Variants in DIS3L2 observed in about 807,000 individuals in gnomAD.
The protein encoded by DIS3L2 is DIS3 like 3'-5' exoribonuclease 2, also known as DIS3-like exonuclease 2.
DIS3L2 carries 34 observed loss-of-function variants against 97.5 expected under a neutral mutation model. The ratio of observed to expected loss-of-function variants is 0.35; its 90% CI spans 0.27 to 0.46. The LOEUF (loss-of-function observed/expected upper bound fraction) is 0.46, where lower values mean the gene tolerates loss of function less well. Ranked by LOEUF, DIS3L2 falls within the 20% of genes least tolerant of loss-of-function variation. The pLI is 1.00. For synonymous variants in DIS3L2, 435 were observed against 445.2 expected (o/e 0.98, Z 0.29); for missense variants, 1,038 against 1,146.0 (o/e 0.91, Z 1.36).
intron 14 of DIS3L2, among the ~76,000 whole-genome samples, chr2:232,317,227 G>A (rs1399825118): frequency 6.6e-6 from 1 of 152,166 alleles, no homozygotes; most frequent in Non-Finnish European, 1.5e-5. Flanking sequence ...AATAAGATTT[G>A]GACAGGGGTT....
At chr2:232,044,471 G>A (rs997671292) in intron 5 of DIS3L2, among the ~76,000 whole-genome samples, 7 of 152,116 alleles carry the variant, frequency 4.6e-5, no homozygotes, top group Admixed American at 2.0e-4. Flanking sequence ...GGGGATGGTG[G>A]CACCCTTTGC....
intron 13 of DIS3L2, among the ~76,000 whole-genome samples, chr2:232,289,359 G>A (rs1284755303): frequency 4.0e-5 from 6 of 151,026 alleles, no homozygotes; most frequent in Admixed American, 6.6e-5. Context: ...TGCAACCTCC[G>A]CCTCCTGGGT....
At chr2:232,119,201 C>A (rs2106339711) in intron 6 of DIS3L2, among the ~76,000 whole-genome samples, 1 of 152,272 alleles carries the variant, frequency 6.6e-6, no homozygotes, top group South Asian at 2.1e-4. Flanking sequence ...CTTGCAGACC[C>A]AATTTGACTC....
At chr2:232,310,023 A>G (rs112169091) in intron 14 of DIS3L2, among the ~76,000 whole-genome samples, 107 of 152,324 alleles carry the variant, frequency 7.0e-4, no homozygotes, top group African/African-American at 2.5e-3. Context: ...TCAAACCAGC[A>G]CCAACACTTC....
chr2:232,336,628 T>A lies in DIS3L2; in HGVS notation c.2656T>A (p.Ter886ArgextTer23). 6.3e-7 allele frequency: 1 copy of A among 1,595,088 alleles called. No homozygotes were observed. The highest frequency in any genetic ancestry group is 2.3e-5 in the East Asian group (1 of 44,158). ...DGEPEDSSTS[*>R] ...TGAGCCCGAGGACTCAAGCACCAGC[T>A]GAGCTCCACCAGCCGCCTGCCCCGC... Residue 886 changes from the stop codon to arginine (R), a stop_lost, in exon 21 of 21, where the codon TGA becomes AGA. Transcript: ENST00000325385.
chr2:232,035,989 A>G (rs1694940199), intron 5 of DIS3L2, among the ~76,000 whole-genome samples: 1 of 152,050 alleles, frequency 6.6e-6, no homozygotes, highest in African/African-American at 2.4e-5. Flanking sequence ...CATTTCTGAC[A>G]ATATGTGTCT....
intron 10 of DIS3L2, among the ~76,000 whole-genome samples, chr2:232,230,920 C>A (rs949037536): frequency 8.5e-5 from 13 of 152,130 alleles, no homozygotes; most frequent in Non-Finnish European, 1.8e-4. Context: ...GCCCACCCCC[C>A]ATCCTTCGCT....
chr2:232,134,763 C>T (rs760672369), intron 7 of DIS3L2, among the ~76,000 whole-genome samples: 1 of 151,746 alleles, frequency 6.6e-6, no homozygotes, highest in East Asian at 1.9e-4. Flanking sequence ...ACCTGGGAGG[C>T]GGAGGTTGCA....
intron 3 of DIS3L2, chr2:232,015,877 C>T: frequency 2.3e-6 from 1 of 439,948 alleles, no homozygotes; most frequent in Non-Finnish European, 3.9e-6. Context: ...CACCACAAGA[C>T]AGGAACAGGA....
chr2:232,171,851 G>A lies in DIS3L2; in HGVS notation c.1124+8219G>A, dbSNP rs1164148753. 3.3e-5 allele frequency among the ~76,000 whole-genome samples: 5 copies of A among 152,270 alleles called. 1 individual carries two copies. In the South Asian group the frequency reaches 1.0e-3, roughly 32 times the overall value. ...CCCATAAAATTCATGTTGATAAATA[G>A]CACCACTCTCAGAAAAGACAAATAC... On this transcript the variant is annotated intron_variant, in intron 9 of 20. Transcript: ENST00000325385.
chr2:232,037,060 C>T lies in DIS3L2; in HGVS notation c.366+6980C>T, dbSNP rs1173084808. Among the ~76,000 whole-genome samples, 2 of 152,244 alleles carry T rather than the reference C, an allele frequency of 1.3e-5. No homozygotes were observed. The highest frequency in any genetic ancestry group is 2.9e-5 in the Non-Finnish European group (2 of 68,038). On this transcript the variant is annotated intron_variant, in intron 5 of 20. Coordinates refer to ENST00000325385, the MANE Select transcript of DIS3L2 (RefSeq NM_152383.5). This position sits in a 1 kb window ranked among gnomAD's most constrained non-coding sequence, Gnocchi z 4.6. ...AATCTGTCCCTTAGCAGAGCTAGAG[C>T]GCTGTGCTGGGAGATCTGCTGCTCT...
At chr2:232,006,857 C>T (rs1694066271) in intron 1 of DIS3L2, among the ~76,000 whole-genome samples, 1 of 151,742 alleles carries the variant, frequency 6.6e-6, no homozygotes, top group South Asian at 2.1e-4. Flanking sequence ...TGGCATCCTG[C>T]ACAAAAAACA....
At chr2:232,302,728 ATTT>A (rs1694890062) in intron 14 of DIS3L2, among the ~76,000 whole-genome samples, 1 of 151,558 alleles carries the variant, frequency 6.6e-6, no homozygotes, top group Non-Finnish European at 1.5e-5. Context: ...ACCTAGCTAA[ATTT>A]TGTATTTTTA....
chr2:232,170,020 C>CT (rs1559699147), intron 9 of DIS3L2, among the ~76,000 whole-genome samples: 1 of 152,144 alleles, frequency 6.6e-6, no homozygotes, highest in Non-Finnish European at 1.5e-5. Flanking sequence ...TTTTCTGGAC[C>CT]TTCAGCTCTA....
At chr2:232,201,979 G>A (rs1159609295) in intron 9 of DIS3L2, among the ~76,000 whole-genome samples, 1 of 152,098 alleles carries the variant, frequency 6.6e-6, no homozygotes, top group African/African-American at 2.4e-5. Flanking sequence ...AAATTAAGGG[G>A]AAGAAAATGA....
rs141990681 is a variant in DIS3L2 at position 232,037,349 on chromosome 2, G to A, written c.366+7269G>A. Among the ~76,000 whole-genome samples, 1,154 of 152,258 alleles carry A rather than the reference G, an allele frequency of 7.6e-3. 23 individuals carry two copies. The highest frequency in any genetic ancestry group is 0.026 in the African/African-American group (1,099 of 41,558). On this transcript the variant is annotated intron_variant, in intron 5 of 20. Coordinates refer to ENST00000325385, the MANE Select transcript of DIS3L2 (RefSeq NM_152383.5). The surrounding 1 kb of genome is among the most constrained non-coding windows in gnomAD (Gnocchi z 4.6). ...TTGTTTACACTGTGAGGGGAAAACC[G>A]CCTACTTAAGCCTCCGTAATGGCAG...
chr2:232,329,967 G>A lies in DIS3L2; in HGVS notation c.1894G>A (p.Val632Met), dbSNP rs754433044. ...VEFCDQMGLP[V>M]DFSSAGALNK... ...ATTCTGCGACCAGATGGGGCTGCCC[G>A]TGGACTTCAGCTCCGCAGGAGCCCT... The change falls in exon 15 of 21, where the codon GTG becomes ATG. Residue 632 changes from valine to methionine, a missense_variant. By Grantham distance (21) the Val-to-Met change is conservative. This residue lies in a region of DIS3L2 where 813 missense variants were observed against 880.1 expected (regional missense o/e 0.92). Coordinates refer to ENST00000325385, the MANE Select transcript of DIS3L2 (RefSeq NM_152383.5). 8 of 1,612,070 alleles carry A rather than the reference G, an allele frequency of 5.0e-6. No individual in the cohort carries two copies. Among genetic ancestry groups the A allele is most frequent in the South Asian group, 3.3e-5 (3 of 90,844 alleles).
intron 8 of DIS3L2, among the ~76,000 whole-genome samples, chr2:232,144,397 C>A (rs553517609): frequency 6.6e-6 from 1 of 152,204 alleles, no homozygotes; most frequent in East Asian, 1.9e-4. Context: ...TTCCTAATTA[C>A]TGATGAGGTT....
intron 8 of DIS3L2, among the ~76,000 whole-genome samples, chr2:232,142,244 G>A (rs1247448805): frequency 6.6e-6 from 1 of 152,118 alleles, no homozygotes; most frequent in Non-Finnish European, 1.5e-5. Context: ...TGACTGTTGG[G>A]CTCCACCTGG....
Sources: gnomAD v4.1 joint callset for allele counts (sites outside exome capture counted in the v4.1 genomes callset) on GRCh38, gnomAD v4.1.1 for gene constraint, gnomAD v4.1.1 regional missense constraint, Gnocchi (gnomAD v3.1) non-coding constraint, MANE v1.5 for transcripts, NCBI Gene and HGNC (gene_info 2026-07-23, HGNC 2026-07-21) for gene names.